The following CDC37L1 variants were observed in gnomAD, a reference collection of about 807,000 sequenced individuals.
CDC37L1 encodes hsp90 co-chaperone Cdc37-like 1.
In CDC37L1, 32 loss-of-function variants were observed where a neutral mutation model predicts 45.9. The ratio of observed to expected loss-of-function variants is 0.70; its 90% confidence interval spans 0.53 to 0.94. The LOEUF is 0.94. Among genes scored for constraint, CDC37L1 ranks in the 40% least tolerant of loss-of-function variants. CDC37L1 has a pLI of 0.00. For missense variants in CDC37L1, 434 were observed against 405.7 expected (o/e 1.07, Z -0.60); for synonymous variants, 150 against 133.0 (o/e 1.13, Z -0.88).
chr9:4,706,194 T>A lies in CDC37L1; in HGVS notation c.*82T>A. The A allele has an allele frequency of 4.7e-6, 3 of 634,700 alleles. No homozygotes were observed. The highest frequency in any genetic ancestry group is 8.7e-6 in the Non-Finnish European group (3 of 346,528). The allele number at this position is 634,700 out of a possible 1,614,324, so 39.3% of individuals were successfully genotyped here. Reference sequence around the variant, plus strand: ...GCTATTTTCTTGACACTTTTATGGGTGCTGCACTTTATTTTTGTTCGGTTT... The same window carrying A: ...GCTATTTTCTTGACACTTTTATGGGAGCTGCACTTTATTTTTGTTCGGTTT... On this transcript the variant is annotated 3_prime_UTR_variant, in exon 7 of 7. Transcript: ENST00000381854.
At chr9:4,689,922 T>A (rs1178082732) in intron 3 of CDC37L1, among the ~76,000 whole-genome samples, 1 of 152,250 alleles carries the variant, frequency 6.6e-6, no homozygotes, top group African/African-American at 2.4e-5. Context: ...CAAGGTGTTT[T>A]CACCCAGCTG....
intron 6 of CDC37L1, among the ~76,000 whole-genome samples, chr9:4,704,667 A>G (rs919590627): frequency 1.9e-4 from 29 of 152,252 alleles, no homozygotes; most frequent in African/African-American, 7.0e-4. Context: ...GAATGAGACA[A>G]TGTAACAATA....
At chr9:4,692,576 T>G (rs938522234) in intron 3 of CDC37L1, among the ~76,000 whole-genome samples, 1 of 152,180 alleles carries the variant, frequency 6.6e-6, no homozygotes, top group Non-Finnish European at 1.5e-5. Context: ...AGCCTTAATT[T>G]TGGTTTTTTA....
In CDC37L1 at chr9:4,690,669, A is replaced by T. The variant is rs572951144; in HGVS notation, c.508+2063A>T. 2.0e-5 allele frequency among the ~76,000 whole-genome samples: 3 copies of T among 152,328 alleles called. No individual in the cohort carries two copies. The East Asian group carries it at 5.8e-4, about 29-fold the overall frequency. On this transcript the variant is annotated intron_variant, in intron 3 of 6. Transcript: ENST00000381854. Reference sequence around the variant, plus strand: ...GTTACGTGTTGTGAACTTCCAATATACTATCTTGTAATAAATATCAGAGCC... The same window carrying T: ...GTTACGTGTTGTGAACTTCCAATATTCTATCTTGTAATAAATATCAGAGCC...
intron 2 of CDC37L1, among the ~76,000 whole-genome samples, chr9:4,687,067 G>T (rs773622381): frequency 1.1e-4 from 16 of 152,012 alleles, no homozygotes; most frequent in Admixed American, 8.5e-4. Flanking sequence ...ATTTCTATTG[G>T]ACAGTGCTGG....
chr9:4,703,020 A>G, intron 6 of CDC37L1: 1 of 1,466,420 alleles, frequency 6.8e-7, no homozygotes, highest in South Asian at 1.4e-5. Flanking sequence ...TTATTATTAG[A>G]TAATTCCTAC....
At chr9:4,702,717 TAAAAAAA>T (rs76792682) in intron 6 of CDC37L1, among the ~76,000 whole-genome samples, 1 of 141,912 alleles carries the variant, frequency 7.0e-6, no homozygotes, top group Non-Finnish European at 1.5e-5. Flanking sequence ...CCGTCTCTTC[TAAAAAAA>T]AAAAATACAA....
At position 4,697,779 on chromosome 9, in the gene CDC37L1, T is replaced by A. The variant is rs1209822689; in HGVS notation, c.647T>A (p.Ile216Lys). 1 of 1,531,432 alleles carries A rather than the reference T, an allele frequency of 6.5e-7. No individual in the cohort carries two copies. The highest frequency in any genetic ancestry group is 1.4e-5 in the African/African-American group (1 of 73,236). The allele number at this position is 1,531,432 out of a possible 1,614,324, so 94.9% of individuals were successfully genotyped here. The change falls in exon 5 of 7, where the codon ATA becomes AAA. Residue 216 changes from isoleucine to lysine, a missense_variant. Coordinates refer to ENST00000381854, the MANE Select transcript of CDC37L1 (RefSeq NM_017913.4). ...AEKKGALMEQ[I>K]AHQAVVMQFI... ...CAGAAAGGGGCTTTAATGGAACAAA[T>A]AGCACATCAAGCTGTTGTAATGCAG... is the stretch of plus-strand genomic sequence containing the variant.
In CDC37L1 at chr9:4,707,343, G is replaced by A. The variant is rs1841453164; in HGVS notation, c.*1231G>A. The A allele has an allele frequency of 7.4e-6, 1 of 135,344 alleles. No individual in the cohort carries two copies. The highest frequency in any genetic ancestry group is 1.6e-5 in the Non-Finnish European group (1 of 63,610). 8.4% of individuals were successfully genotyped at this position (135,344 alleles called of 1,614,324 possible). Reference sequence around the variant, plus strand: ...ATCTTATGACTTAACATAAGCTTTGGTTATATTTGGGTGTAGTCTTTGGCT... The same window carrying A: ...ATCTTATGACTTAACATAAGCTTTGATTATATTTGGGTGTAGTCTTTGGCT... On this transcript the variant is annotated 3_prime_UTR_variant, in exon 7 of 7. Transcript: ENST00000381854.
chr9:4,691,300 A>T (rs1426454578), intron 3 of CDC37L1, among the ~76,000 whole-genome samples: 4 of 152,156 alleles, frequency 2.6e-5, no homozygotes, highest in African/African-American at 7.2e-5. Flanking sequence ...CCTAGTATTC[A>T]TTAGTTATTT....
intron 2 of CDC37L1, among the ~76,000 whole-genome samples, chr9:4,687,678 C>CAA (rs59932144): frequency 0.26 from 14,921 of 57,252 alleles, 1,999 homozygotes; most frequent in East Asian, 0.54. Flanking sequence ...GACCCCATCT[C>CAA]AAAAAAAAAA....
At chr9:4,682,910 A>G (rs1841209750) in intron 1 of CDC37L1, among the ~76,000 whole-genome samples, 1 of 150,536 alleles carries the variant, frequency 6.6e-6, no homozygotes, top group Non-Finnish European at 1.5e-5. Flanking sequence ...TAAGATAACT[A>G]TTCTTGATCC....
At chr9:4,686,838 T>A (rs1370109547) in intron 2 of CDC37L1, among the ~76,000 whole-genome samples, 1 of 152,190 alleles carries the variant, frequency 6.6e-6, no homozygotes, top group Non-Finnish European at 1.5e-5. Context: ...CTAGTCCGAA[T>A]TGAGATGTGC....
intron 3 of CDC37L1, among the ~76,000 whole-genome samples, chr9:4,689,259 T>G (rs929326705): frequency 5.3e-5 from 8 of 151,746 alleles, no homozygotes; most frequent in African/African-American, 1.9e-4. Flanking sequence ...CTGAGAATTA[T>G]AGGCAGCATG....
chr9:4,707,978 C>G lies in CDC37L1; in HGVS notation c.*1866C>G, dbSNP rs1217851656. On this transcript the variant is annotated 3_prime_UTR_variant, in exon 7 of 7. Coordinates refer to ENST00000381854, the MANE Select transcript of CDC37L1 (RefSeq NM_017913.4). ...AGAAAGTATCAACAAACTGAGTAAA[C>G]TATTCTTGAGGGGCACTGAAAAGAT... The G allele has an allele frequency of 3.3e-5, 5 of 152,154 alleles. No individual in the cohort carries two copies. Among genetic ancestry groups the G allele is most frequent in the Non-Finnish European group, 7.4e-5 (5 of 68,020 alleles). The allele number at this position is 152,154 out of a possible 1,614,324, so 9.4% of individuals were successfully genotyped here.
At chr9:4,700,296 T>A (rs3852398) in intron 5 of CDC37L1, among the ~76,000 whole-genome samples, 15 of 151,888 alleles carry the variant, frequency 9.9e-5, no homozygotes, top group African/African-American at 2.4e-4. Context: ...GCTGGGACTA[T>A]AGGCACATGC....
chr9:4,700,609 G>A (rs376869024), intron 5 of CDC37L1, among the ~76,000 whole-genome samples: 1 of 152,114 alleles, frequency 6.6e-6, no homozygotes, highest in Non-Finnish European at 1.5e-5. Context: ...AAACGGAAAG[G>A]CACTGGTCTT....
Position 4,697,187 on chromosome 9 carries a change from G to A in CDC37L1, c.600G>A (p.Trp200Ter). The A allele has an allele frequency of 1.3e-6, 2 of 1,557,890 alleles. No homozygotes were observed. Among genetic ancestry groups the A allele is most frequent in the Non-Finnish European group, 8.8e-7 (1 of 1,130,408 alleles). The change falls in exon 4 of 7, where the codon TGG becomes TGA. Residue 200 changes from tryptophan (W) to a stop codon, truncating the protein, a stop_gained. Coordinates refer to ENST00000381854, the MANE Select transcript of CDC37L1 (RefSeq NM_017913.4). LOFTEE classifies it high-confidence loss of function. ...CEETAKYLIL[W>*]CFHLEAEKKG... is the part of the protein sequence containing the mutation. ...AAACTGCTAAATATCTTATTTTATG[G>A]TGTTTTCACCTGGAAGCTGAGAAGG...
Position 4,701,893 on chromosome 9 carries a change from C to T in CDC37L1, c.777C>T (p.Phe259=). Residue 259 remains phenylalanine (F), a synonymous_variant, in exon 6 of 7, where the codon TTC becomes TTT. Transcript: ENST00000381854. ...KAEEEGYFEA[F]KNELEAFKSR... is the part of the protein sequence containing the mutation. ...AGGAAGAAGGTTATTTTGAAGCATT[C>T]AAAAATGAACTTGAAGCTTTCAAGT... 1 of 1,601,404 alleles carries T rather than the reference C, an allele frequency of 6.2e-7. No individual in the cohort carries two copies. Among genetic ancestry groups the T allele is most frequent in the Non-Finnish European group, 8.5e-7 (1 of 1,175,222 alleles).
Sources: allele counts gnomAD v4.1 joint callset (sites outside exome capture counted in the v4.1 genomes callset), GRCh38; gene constraint gnomAD v4.1.1; transcripts MANE v1.5; gene names NCBI Gene and HGNC (gene_info 2026-07-23, HGNC 2026-07-21).